The following GNG12 variants were observed in gnomAD, a reference collection of about 807,000 sequenced individuals.
GNG12 encodes guanine nucleotide-binding protein G(I)/G(S)/G(O) subunit gamma-12.
For synonymous variants in GNG12, 28 were observed against 29.7 expected (o/e 0.94, Z 0.19); for missense variants, 69 against 83.8 (o/e 0.82, Z 0.69).
intron 2 of GNG12, among the ~76,000 whole-genome samples, chr1:67,767,979 G>T (rs566307111): frequency 1.3e-5 from 2 of 152,318 alleles, no homozygotes; most frequent in South Asian, 4.1e-4. Context: ...CTCTTGCTAC[G>T]TTGCGGAGGC....
intron 2 of GNG12, among the ~76,000 whole-genome samples, chr1:67,736,123 T>C (rs1289833857): frequency 6.6e-6 from 1 of 152,132 alleles, no homozygotes; most frequent in Admixed American, 6.5e-5. Context: ...TCTTATGAAG[T>C]GACTCATACA....
At position 67,702,820 on chromosome 1, in the gene GNG12, G is replaced by T. The variant is rs1263726467; in HGVS notation, c.*2631C>A. 1 of 152,124 alleles carries T rather than the reference G, an allele frequency of 6.6e-6. No individual in the cohort carries two copies. Among genetic ancestry groups the T allele is most frequent in the African/African-American group, 2.4e-5 (1 of 41,436 alleles). 9.4% of individuals were successfully genotyped at this position (152,124 alleles called of 1,614,324 possible). On this transcript the variant is annotated 3_prime_UTR_variant, in exon 4 of 4. Coordinates refer to ENST00000370982, the MANE Select transcript of GNG12 (RefSeq NM_018841.6). Reference sequence around the variant, plus strand: ...CACTGTTAACAGAAGCAGCATTAAGGACAAAGTATACTGAATATATTGAAA... The same window carrying T: ...CACTGTTAACAGAAGCAGCATTAAGTACAAAGTATACTGAATATATTGAAA...
intron 2 of GNG12, among the ~76,000 whole-genome samples, chr1:67,769,720 C>T (rs1016416962): frequency 6.6e-6 from 1 of 152,132 alleles, no homozygotes; most frequent in Non-Finnish European, 1.5e-5. Context: ...GTCTAAGCTT[C>T]GCTTTGGAAT....
intron 2 of GNG12, among the ~76,000 whole-genome samples, chr1:67,770,977 T>C (rs1422685669): frequency 6.6e-6 from 1 of 152,054 alleles, no homozygotes; most frequent in Non-Finnish European, 1.5e-5. Flanking sequence ...CATGTGTGTG[T>C]GCGTGCTGAG....
intron 1 of GNG12, among the ~76,000 whole-genome samples, chr1:67,800,053 A>T (rs1557621812): frequency 6.6e-6 from 1 of 152,214 alleles, no homozygotes; most frequent in Non-Finnish European, 1.5e-5. Flanking sequence ...GTGGCTTCTT[A>T]CAGGCTGGCT....
intron 1 of GNG12, among the ~76,000 whole-genome samples, chr1:67,827,162 A>G (rs1372109735): frequency 1.3e-5 from 2 of 152,238 alleles, no homozygotes; most frequent in African/African-American, 2.4e-5. Flanking sequence ...ACCAGAGCTT[A>G]TACTTCTCTC....
At chr1:67,828,854 C>T (rs553364854) in intron 1 of GNG12, among the ~76,000 whole-genome samples, 102 of 152,268 alleles carry the variant, frequency 6.7e-4, no homozygotes, top group African/African-American at 2.4e-3. Flanking sequence ...TCTCTTTTAC[C>T]GCTAAACAAT....
intron 2 of GNG12, among the ~76,000 whole-genome samples, chr1:67,718,400 G>C (rs1646338710): frequency 6.6e-6 from 1 of 151,754 alleles, no homozygotes; most frequent in Non-Finnish European, 1.5e-5. Context: ...AGCCCAATAT[G>C]AAAAAACTGA....
At chr1:67,739,262 A>C (rs1646469549) in intron 2 of GNG12, among the ~76,000 whole-genome samples, 1 of 152,248 alleles carries the variant, frequency 6.6e-6, no homozygotes, top group Admixed American at 6.5e-5. Context: ...TATGCCTGTC[A>C]AAATCCTTCC....
At chr1:67,732,139 A>G (rs567227790) in intron 2 of GNG12, among the ~76,000 whole-genome samples, 2 of 152,354 alleles carry the variant, frequency 1.3e-5, no homozygotes, top group Admixed American at 1.3e-4. Context: ...CTAAGTGTTC[A>G]CTATTCTGAA....
intron 1 of GNG12, among the ~76,000 whole-genome samples, chr1:67,805,394 A>T (rs1457364930): frequency 6.6e-6 from 1 of 152,190 alleles, no homozygotes; most frequent in Non-Finnish European, 1.5e-5. Flanking sequence ...CAGACCAGGA[A>T]TTTTTTAAAT....
chr1:67,755,035 G>C lies in GNG12; in HGVS notation c.-27+22423C>G, dbSNP rs146231236. 4.9e-3 allele frequency among the ~76,000 whole-genome samples: 751 copies of C among 152,368 alleles called. 7 individuals are homozygous for C. Among genetic ancestry groups the C allele is most frequent in the African/African-American group, 0.017 (717 of 41,588 alleles). The stretch of plus-strand genomic sequence containing the variant: ...ACCAGTGAGACATGAGGGGAGGTTG[G>C]CTTGGGAATTTTGAAAGGTCTCTTC... On this transcript the variant is annotated intron_variant, in intron 2 of 3. Coordinates refer to ENST00000370982, the MANE Select transcript of GNG12 (RefSeq NM_018841.6).
At chr1:67,794,360 T>C (rs1646818018) in intron 1 of GNG12, among the ~76,000 whole-genome samples, 2 of 152,166 alleles carry the variant, frequency 1.3e-5, no homozygotes, top group Admixed American at 1.3e-4. Context: ...AGGAGAATGC[T>C]GGGGAAGGAT....
At chr1:67,793,792 C>G (rs1646814860) in intron 1 of GNG12, among the ~76,000 whole-genome samples, 1 of 152,200 alleles carries the variant, frequency 6.6e-6, no homozygotes, top group Non-Finnish European at 1.5e-5. Context: ...CTTCCTCAAA[C>G]ACTGTTTCAC....
chr1:67,754,219 C>T (rs1372734282), intron 2 of GNG12, among the ~76,000 whole-genome samples: 1 of 152,188 alleles, frequency 6.6e-6, no homozygotes. Context: ...TGTGCTATGA[C>T]TGCCGGTCAC....
chr1:67,819,371 G>A (rs1557627436), intron 1 of GNG12, among the ~76,000 whole-genome samples: 1 of 152,166 alleles, frequency 6.6e-6, no homozygotes, highest in African/African-American at 2.4e-5. Context: ...ATCTACAGTT[G>A]TGTCTTAGGA....
intron 2 of GNG12, among the ~76,000 whole-genome samples, chr1:67,754,384 G>A (rs955640693): frequency 6.6e-6 from 1 of 152,122 alleles, no homozygotes; most frequent in African/African-American, 2.4e-5. Flanking sequence ...GCCGAAGCCA[G>A]ACACCCCAGA....
At chr1:67,761,926 A>C (rs1236476195) in intron 2 of GNG12, among the ~76,000 whole-genome samples, 1 of 152,142 alleles carries the variant, frequency 6.6e-6, no homozygotes, top group Non-Finnish European at 1.5e-5. Context: ...TGCCACCTGC[A>C]GTCAGACCAC....
intron 2 of GNG12, among the ~76,000 whole-genome samples, chr1:67,776,769 G>A (rs1316076181): frequency 2.0e-5 from 3 of 152,098 alleles, no homozygotes; most frequent in African/African-American, 7.2e-5. Flanking sequence ...ATAAATAAAG[G>A]ATTGTTATTT....
Sources: gnomAD v4.1 joint callset for allele counts (sites outside exome capture counted in the v4.1 genomes callset) on GRCh38, gnomAD v4.1.1 for gene constraint, MANE v1.5 for transcripts, NCBI Gene and HGNC (gene_info 2026-07-23, HGNC 2026-07-21) for gene names.